LRRC4C: variants seen among roughly 807,000 people sequenced by gnomAD.
The protein encoded by LRRC4C is leucine rich repeat containing 4C.
LRRC4C carries 5 observed loss-of-function variants against 33.6 expected under a neutral mutation model. That is an observed-to-expected ratio of 0.15 (90% CI 0.08 to 0.31). LRRC4C has a LOEUF of 0.31. Ranked by LOEUF, LRRC4C falls within the 10% of genes least tolerant of loss-of-function variation. LRRC4C has a pLI of 1.00. For synonymous variants in LRRC4C, 329 were observed against 302.0 expected, an observed-to-expected ratio of 1.09 and a Z score of -0.93; for missense variants, 560 against 796.7, an observed-to-expected ratio of 0.70 and a Z score of 3.58.
At chr11:41,363,650 A>G (rs1169913713) in intron 1 of LRRC4C, among the ~76,000 whole-genome samples, 1 of 152,240 alleles carries the variant, frequency 6.6e-6, no homozygotes, top group Non-Finnish European at 1.5e-5. Flanking sequence ...TAGACAGATC[A>G]TGAAAAAGAA....
intron 4 of LRRC4C, among the ~76,000 whole-genome samples, chr11:40,248,868 T>C (rs1010513710): frequency 1.3e-5 from 2 of 152,166 alleles, no homozygotes; most frequent in African/African-American, 2.4e-5. Context: ...ATAAAAAATA[T>C]GTATTTAGAC....
intron 2 of LRRC4C, among the ~76,000 whole-genome samples, chr11:40,813,920 T>A (rs1196304156): frequency 6.6e-6 from 1 of 152,226 alleles, no homozygotes; most frequent in East Asian, 1.9e-4. Context: ...GGCATGTTGA[T>A]GCAAGAGGTG....
intron 3 of LRRC4C, among the ~76,000 whole-genome samples, chr11:40,337,575 T>C (rs1306995168): frequency 6.6e-6 from 1 of 152,178 alleles, no homozygotes; most frequent in East Asian, 1.9e-4. Flanking sequence ...TTATGATACA[T>C]GGACAAAAGT....
rs138488282 is a variant in LRRC4C, at chr11:40,612,649, T to C, written c.-270+35493A>G. ...ATACAAGAAGTTGAAACATGAGTAT[T>C]TTTTAAAGATTCGTGGTCTGCATAC... On this transcript the variant is annotated intron_variant, in intron 3 of 6. Coordinates refer to ENST00000528697, the MANE Select transcript of LRRC4C (RefSeq NM_001258419.2). Among the ~76,000 whole-genome samples, 219 of 152,080 alleles carry C rather than the reference T, an allele frequency of 1.4e-3. 1 individual carries two copies. Among genetic ancestry groups the C allele is most frequent in the African/African-American group, 5.1e-3 (213 of 41,546 alleles).
chr11:40,429,458 A>C (rs1380670493), intron 3 of LRRC4C, among the ~76,000 whole-genome samples: 1 of 152,126 alleles, frequency 6.6e-6, no homozygotes, highest in South Asian at 2.1e-4. Context: ...TTCACATTTG[A>C]CTTAGTTTAA....
At chr11:40,229,733 G>C (rs1317312218) in intron 5 of LRRC4C, among the ~76,000 whole-genome samples, 2 of 152,128 alleles carry the variant, frequency 1.3e-5, no homozygotes, top group East Asian at 1.9e-4. Flanking sequence ...TTGGGACCTA[G>C]ATGCTCACTG....
chr11:40,840,277 T>C (rs1053635083), intron 2 of LRRC4C, among the ~76,000 whole-genome samples: 2 of 152,192 alleles, frequency 1.3e-5, no homozygotes, highest in Admixed American at 1.3e-4. Context: ...TGATATTGTG[T>C]TTCCACTTAT....
At chr11:40,449,641 A>C (rs929034701) in intron 3 of LRRC4C, among the ~76,000 whole-genome samples, 1 of 152,148 alleles carries the variant, frequency 6.6e-6, no homozygotes, top group Non-Finnish European at 1.5e-5. Context: ...ACTTGCAATT[A>C]TGTCCCTGCT....
chr11:40,291,279 T>C (rs989253379), intron 4 of LRRC4C, among the ~76,000 whole-genome samples: 2 of 152,190 alleles, frequency 1.3e-5, no homozygotes, highest in African/African-American at 4.8e-5. Context: ...TTCCACCTTC[T>C]GCTTTATTTT....
intron 5 of LRRC4C, among the ~76,000 whole-genome samples, chr11:40,166,566 T>G (rs1859612681): frequency 6.6e-6 from 1 of 152,164 alleles, no homozygotes; most frequent in Non-Finnish European, 1.5e-5. Context: ...CTGATATGTG[T>G]GATTTTTTAT....
At chr11:40,550,510 C>G (rs2135442010) in intron 3 of LRRC4C, among the ~76,000 whole-genome samples, 1 of 152,300 alleles carries the variant, frequency 6.6e-6, no homozygotes, top group Non-Finnish European at 1.5e-5. Context: ...AATGGCCTGA[C>G]AGCCTCCAGA....
chr11:40,630,990 G>A (rs1963437625), intron 3 of LRRC4C, among the ~76,000 whole-genome samples: 2 of 152,254 alleles, frequency 1.3e-5, no homozygotes, highest in South Asian at 2.1e-4. Context: ...TAATTTTTCA[G>A]TGTGAAATAA....
intron 2 of LRRC4C, among the ~76,000 whole-genome samples, chr11:40,791,245 A>G (rs1176080934): frequency 6.6e-6 from 1 of 152,176 alleles, no homozygotes; most frequent in African/African-American, 2.4e-5. Flanking sequence ...AAAGCATTGT[A>G]TGGTGTTGCA....
intron 1 of LRRC4C, among the ~76,000 whole-genome samples, chr11:40,985,303 G>T (rs187724044): frequency 5.6e-4 from 85 of 151,952 alleles, no homozygotes; most frequent in African/African-American, 2.0e-3. Context: ...TTTTTCTTCC[G>T]CTGAGTGACT....
chr11:41,398,889 T>C (rs1953922474), intron 1 of LRRC4C, among the ~76,000 whole-genome samples: 1 of 151,862 alleles, frequency 6.6e-6, no homozygotes, highest in Non-Finnish European at 1.5e-5. Flanking sequence ...CTTATTGGCC[T>C]CTCTCCCAAG....
chr11:40,468,141 T>C (rs568312675), intron 3 of LRRC4C, among the ~76,000 whole-genome samples: 1 of 152,318 alleles, frequency 6.6e-6, no homozygotes, highest in South Asian at 2.1e-4. Flanking sequence ...TATTTATATA[T>C]AAATGATTAA....
intron 2 of LRRC4C, among the ~76,000 whole-genome samples, chr11:40,840,284 T>C (rs1952856733): frequency 6.6e-6 from 1 of 152,182 alleles, no homozygotes; most frequent in Admixed American, 6.5e-5. Context: ...GTGTTTCCAC[T>C]TATTACTCAG....
intron 1 of LRRC4C, among the ~76,000 whole-genome samples, chr11:41,089,508 T>C (rs1322529415): frequency 6.6e-6 from 1 of 152,006 alleles, no homozygotes; most frequent in African/African-American, 2.4e-5. Flanking sequence ...CCAGGTAATG[T>C]AAAGGCCAGT....
chr11:41,043,415 G>GT (rs1457824618), intron 1 of LRRC4C, among the ~76,000 whole-genome samples: 1 of 152,072 alleles, frequency 6.6e-6, no homozygotes, highest in African/African-American at 2.4e-5. Context: ...TTTACTTAAG[G>GT]TTTTATTAAT....
Sources: gnomAD v4.1 joint callset for allele counts (sites outside exome capture counted in the v4.1 genomes callset) on GRCh38, gnomAD v4.1.1 for gene constraint, MANE v1.5 for transcripts, NCBI Gene and HGNC (gene_info 2026-07-23, HGNC 2026-07-21) for gene names.